The following SPATA6 variants were observed in gnomAD, a reference collection of about 807,000 sequenced individuals.
SPATA6 encodes spermatogenesis-associated protein 6.
SPATA6 carries 56 observed loss-of-function variants against 65.3 expected under a neutral mutation model. The observed-to-expected ratio is 0.86, with a 90% confidence interval of 0.69 to 1.07. The LOEUF (loss-of-function observed/expected upper bound fraction) is 1.07, where lower values mean the gene tolerates loss of function less well. Ranked by LOEUF, SPATA6 falls within the 50% of genes least tolerant of loss-of-function variation. The probability of loss-of-function intolerance (pLI) is 0.00; values close to 1 mark genes in which losing one functional copy is unlikely to be tolerated. For missense variants in SPATA6, 590 were observed against 594.8 expected (o/e 0.99, Z 0.08); for synonymous variants, 199 against 213.2 (o/e 0.93, Z 0.58).
chr1:48,312,943 A>G (rs1488657305), intron 11 of SPATA6, among the ~76,000 whole-genome samples: 2 of 152,368 alleles, frequency 1.3e-5, no homozygotes, highest in Non-Finnish European at 1.5e-5. Context: ...AAGAAAGGGC[A>G]TCAGTGATGG....
At chr1:48,323,144 T>A (rs1645648175) in intron 11 of SPATA6, among the ~76,000 whole-genome samples, 1 of 152,130 alleles carries the variant, frequency 6.6e-6, no homozygotes, top group African/African-American at 2.4e-5. Flanking sequence ...GCACTGTTCA[T>A]AAGAGCAAAG....
chr1:48,406,447 T>A (rs1035192449), intron 5 of SPATA6, among the ~76,000 whole-genome samples: 1 of 152,222 alleles, frequency 6.6e-6, no homozygotes, highest in South Asian at 2.1e-4. Flanking sequence ...CTTAGCACCA[T>A]AATCTAGCCA....
intron 11 of SPATA6, among the ~76,000 whole-genome samples, chr1:48,354,569 T>C (rs1646603397): frequency 6.6e-6 from 1 of 151,954 alleles, no homozygotes; most frequent in Non-Finnish European, 1.5e-5. Flanking sequence ...ATGGCAACAA[T>C]AATGAACTAC....
chr1:48,439,500 T>A (rs1655261800), intron 3 of SPATA6, among the ~76,000 whole-genome samples: 1 of 151,836 alleles, frequency 6.6e-6, no homozygotes, highest in African/African-American at 2.4e-5. Context: ...GCTGCATCAG[T>A]GAGTGCAACT....
intron 11 of SPATA6, among the ~76,000 whole-genome samples, chr1:48,336,460 AG>A (rs1288368857): frequency 6.6e-6 from 1 of 151,992 alleles, no homozygotes; most frequent in East Asian, 1.9e-4. Flanking sequence ...TAAAAAAGAA[AG>A]AGATCACATC....
intron 3 of SPATA6, among the ~76,000 whole-genome samples, chr1:48,431,311 CAAT>C (rs541305861): frequency 1.4e-3 from 217 of 152,002 alleles, no homozygotes; most frequent in Admixed American, 2.8e-3. Flanking sequence ...AATGGTTCTA[CAAT>C]AATAGTAAGA....
intron 3 of SPATA6, among the ~76,000 whole-genome samples, chr1:48,420,670 G>A (rs111727752): frequency 6.6e-5 from 10 of 152,222 alleles, no homozygotes; most frequent in African/African-American, 2.4e-4. Flanking sequence ...GAAAAACATG[G>A]CTTGAAGCAA....
intron 6 of SPATA6, chr1:48,400,693 T>C: frequency 3.9e-6 from 4 of 1,014,482 alleles, no homozygotes; most frequent in Non-Finnish European, 4.0e-6. Flanking sequence ...TTTAAGTGGA[T>C]ACACAGAAAA....
intron 3 of SPATA6, among the ~76,000 whole-genome samples, chr1:48,424,315 G>A (rs1271983456): frequency 6.6e-6 from 1 of 152,180 alleles, no homozygotes; most frequent in Admixed American, 6.5e-5. Flanking sequence ...CCATGTTGTT[G>A]CATATGACTG....
chr1:48,434,529 T>C (rs1425456641), intron 3 of SPATA6, among the ~76,000 whole-genome samples: 2 of 151,882 alleles, frequency 1.3e-5, no homozygotes, highest in African/African-American at 4.8e-5. Context: ...CAAAGAGGGG[T>C]GCTGTTTTAT....
chr1:48,342,603 G>A (rs1411303188), intron 11 of SPATA6, among the ~76,000 whole-genome samples: 6 of 144,418 alleles, frequency 4.2e-5, no homozygotes, highest in African/African-American at 7.7e-5. Flanking sequence ...GTGACAGAGC[G>A]AGACTCCATC....
At chr1:48,337,643 C>T (rs80258609) in intron 11 of SPATA6, among the ~76,000 whole-genome samples, 5,389 of 151,704 alleles carry the variant, frequency 0.036, 313 homozygotes, top group African/African-American at 0.12. Flanking sequence ...AATATCAATG[C>T]GTGAATGTAG....
At chr1:48,436,007 A>T (rs897129058) in intron 3 of SPATA6, 3 of 1,607,792 alleles carry the variant, frequency 1.9e-6, no homozygotes, top group Non-Finnish European at 2.6e-6. Context: ...AGAACACAAG[A>T]TGAATCACTC....
At chr1:48,289,613 A>T in the SPATA6 span, among the ~76,000 whole-genome samples, 419 of 152,324 alleles carry the variant, frequency 2.8e-3, no homozygotes, top group African/African-American at 8.5e-3. Context: ...AAAAGATTAG[A>T]TGAATGGCTA....
chr1:48,300,742 A>G (rs1000208478), intron 12 of SPATA6, among the ~76,000 whole-genome samples: 1 of 152,160 alleles, frequency 6.6e-6, no homozygotes, highest in Non-Finnish European at 1.5e-5. Context: ...CCAGGGATGC[A>G]AGGATGGTTC....
intron 6 of SPATA6, among the ~76,000 whole-genome samples, chr1:48,400,589 T>A (rs957827849): frequency 6.6e-6 from 1 of 152,014 alleles, no homozygotes; most frequent in African/African-American, 2.4e-5. Context: ...CAATCCTACC[T>A]CCAGCTCTAT....
rs1353464306 is a variant in SPATA6 at position 48,297,075 on chromosome 1, T to C, written c.*1638A>G. 1.3e-5 allele frequency: 2 copies of C among 151,974 alleles called. No homozygotes were observed. The highest frequency in any genetic ancestry group is 6.6e-5 in the Admixed American group (1 of 15,218). 9.4% of individuals were successfully genotyped at this position (151,974 alleles called of 1,614,324 possible). ...CCAGTTTACAGGCGCTATTCCAGCA[T>C]TAATATCATCTCTTTTTACCTCTAT... On this transcript the variant is annotated 3_prime_UTR_variant, in exon 13 of 13. Coordinates refer to ENST00000371847, the MANE Select transcript of SPATA6 (RefSeq NM_019073.4).
chr1:48,269,475 A>C, the SPATA6 span, among the ~76,000 whole-genome samples: 2 of 152,196 alleles, frequency 1.3e-5, no homozygotes, highest in Non-Finnish European at 2.9e-5. Context: ...CATTATGCCA[A>C]ATGGAATATT....
intron 8 of SPATA6, among the ~76,000 whole-genome samples, chr1:48,390,736 C>A (rs1649969143): frequency 1.3e-5 from 2 of 152,098 alleles, no homozygotes; most frequent in South Asian, 4.1e-4. Flanking sequence ...CCATAAAATT[C>A]TACTTTCTCA....
Sources: gnomAD v4.1 joint callset for allele counts (sites outside exome capture counted in the v4.1 genomes callset) on GRCh38, gnomAD v4.1.1 for gene constraint, MANE v1.5 for transcripts, NCBI Gene and HGNC (gene_info 2026-07-23, HGNC 2026-07-21) for gene names.